Variants in BMP10 observed in about 807,000 individuals in gnomAD.
The protein encoded by BMP10 is bone morphogenetic protein 10.
Under a neutral mutation model 29.9 loss-of-function variants are expected in BMP10, and 9 were observed. The observed-to-expected ratio is 0.30, with a 90% CI of 0.18 to 0.53. The LOEUF (loss-of-function observed/expected upper bound fraction) is 0.53. BMP10 is among the 20% of genes least tolerant of loss of function. The probability of loss-of-function intolerance (pLI) is 0.96; values close to 1 mark genes in which losing one functional copy is unlikely to be tolerated. For synonymous variants in BMP10, 202 were observed against 200.2 expected (o/e 1.01, Z -0.07); for missense variants, 474 against 524.3 (o/e 0.90, Z 0.94).
In BMP10 at chr2:68,862,466, A is replaced by G. The variant is rs1007586781; in HGVS notation, c.*3165T>C. ...ATATTTTACAAAAATAAATATATCA[A>G]TCAATAAATAGTGGGAAGCCTAGAA... On this transcript the variant is annotated 3_prime_UTR_variant, in exon 2 of 2. Coordinates refer to ENST00000295379, the MANE Select transcript of BMP10 (RefSeq NM_014482.3). Among the ~76,000 whole-genome samples, 1 of 142,218 alleles carries G rather than the reference A, an allele frequency of 7.0e-6. No individual in the cohort carries two copies. Among genetic ancestry groups the G allele is most frequent in the African/African-American group, 3.1e-5 (1 of 31,934 alleles). 93.3% of individuals were successfully genotyped at this position (142,218 alleles called of 152,430 possible).
chr2:68,861,478 G>A lies in BMP10; in HGVS notation c.*4153C>T, dbSNP rs1384129860. ...CACATCTACCTTCCATTTAATGTAG[G>A]AAATCAACTGTTCCTGTTTGGGGGC... is the stretch of plus-strand genomic sequence containing the variant. On this transcript the variant is annotated 3_prime_UTR_variant, in exon 2 of 2. Transcript: ENST00000295379. 3.9e-5 allele frequency among the ~76,000 whole-genome samples: 6 copies of A among 152,180 alleles called. No homozygotes were observed. The highest frequency in any genetic ancestry group is 7.3e-5 in the Non-Finnish European group (5 of 68,030).
At chr2:68,868,102 C>A (rs1682999611) in intron 1 of BMP10, among the ~76,000 whole-genome samples, 1 of 152,218 alleles carries the variant, frequency 6.6e-6, no homozygotes, top group Non-Finnish European at 1.5e-5. Flanking sequence ...TCAGCCATAG[C>A]TTACATACGT....
Position 68,866,398 on chromosome 2 carries a change from C to G in BMP10, c.508G>C (p.Val170Leu). ...GVDRKITIFE[V>L]LESKGDNEGE... ...TCATTATCCCCTTTGCTCTCCAGCA[C>G]TTCAAAAATGGTAATTTTCCGGTCT... The change falls in exon 2 of 2, where the codon GTG becomes CTG. Residue 170 changes from valine to leucine, a missense_variant. Val to Leu is a conservative substitution (Grantham distance 32). Around this residue, in one of 2 missense-constraint regions of BMP10, gnomAD observed 408 missense variants for 415.3 expected, o/e 0.98. Transcript: ENST00000295379. 1 of 1,613,936 alleles carries G rather than the reference C, an allele frequency of 6.2e-7. No homozygotes were observed. Among genetic ancestry groups the G allele is most frequent in the Non-Finnish European group, 8.5e-7 (1 of 1,179,954 alleles).
At chr2:68,869,610 C>T (rs575590762) in intron 1 of BMP10, among the ~76,000 whole-genome samples, 9 of 152,222 alleles carry the variant, frequency 5.9e-5, no homozygotes, top group African/African-American at 2.2e-4. Flanking sequence ...TCACCCACAC[C>T]CTGAGCCAGA....
Position 68,861,633 on chromosome 2 carries a change from T to C in BMP10, c.*3998A>G, listed in dbSNP as rs1404031029. Among the ~76,000 whole-genome samples the C allele has an allele frequency of 6.6e-6, 1 of 152,232 alleles. No homozygotes were observed. Among genetic ancestry groups the C allele is most frequent in the Non-Finnish European group, 1.5e-5 (1 of 68,038 alleles). ...CAACCTTAAAAAGGGCAACATCCCT[T>C]CTGTGTTCTAGGCAAGTTAAAAAGG... On this transcript the variant is annotated 3_prime_UTR_variant, in exon 2 of 2. Transcript: ENST00000295379.
Position 68,866,156 on chromosome 2 carries a change from G to C in BMP10, c.750C>G (p.Asn250Lys), listed in dbSNP as rs2231345. Residue 250 changes from asparagine to lysine, a missense_variant, in exon 2 of 2, where the codon AAC (asparagine) becomes AAG (lysine). Asn to Lys is a moderately conservative substitution (Grantham distance 94). Coordinates refer to ENST00000295379, the MANE Select transcript of BMP10 (RefSeq NM_014482.3). ...CATCAGAAAACACGATGAGCAAAGG[G>C]TTATGCTTATTCTGGGCACTGGTAT... Reference protein sequence around the residue: ...EIDTSAQNKHNPLLIVFSDDQ... With the variant: ...EIDTSAQNKHKPLLIVFSDDQ... 1.9e-6 allele frequency: 3 copies of C among 1,613,892 alleles called. No homozygotes were observed. Among genetic ancestry groups the C allele is most frequent in the Non-Finnish European group, 2.5e-6 (3 of 1,179,970 alleles).
At chr2:68,867,430 C>A (rs1156978561) in intron 1 of BMP10, among the ~76,000 whole-genome samples, 1 of 152,192 alleles carries the variant, frequency 6.6e-6, no homozygotes, top group Admixed American at 6.5e-5. Context: ...AATCCTGGGA[C>A]TAGATTGGTT....
Position 68,863,834 on chromosome 2 carries a change from A to G in BMP10, c.*1797T>C, listed in dbSNP as rs7574938. The stretch of plus-strand genomic sequence containing the variant: ...GGACTGATTGTTTTCCAGGGTAAAA[A>G]AAAGAAAAAAGTGTCAGACTTCTTA... On this transcript the variant is annotated 3_prime_UTR_variant, in exon 2 of 2. Coordinates refer to ENST00000295379, the MANE Select transcript of BMP10 (RefSeq NM_014482.3). Among the ~76,000 whole-genome samples, 4,168 of 152,272 alleles carry G rather than the reference A, an allele frequency of 0.027. 185 individuals carry two copies. Among genetic ancestry groups the G allele is most frequent in the African/African-American group, 0.095 (3,935 of 41,528 alleles).
chr2:68,866,200 T>C lies in BMP10; in HGVS notation c.706A>G (p.Ser236Gly). 6.2e-7 allele frequency: 1 copy of C among 1,614,128 alleles called. No individual in the cohort carries two copies. ...CTGGTATCTATTTCTAGCCGTCCACTGCTGGCATCCTCAGCTTCATCGTGT... is the reference window on the plus strand; with the variant it reads ...CTGGTATCTATTTCTAGCCGTCCACCGCTGGCATCCTCAGCTTCATCGTGT... ...SKHDEAEDAS[S>G]GRLEIDTSAQ... The change falls in exon 2 of 2, where the codon AGT becomes GGT. Residue 236 changes from serine (S) to glycine (G), a missense_variant. By Grantham distance (56) the Ser-to-Gly change is moderately conservative. This residue lies in a region of BMP10 where 408 missense variants were observed against 415.3 expected (regional missense o/e 0.98). Coordinates refer to ENST00000295379, the MANE Select transcript of BMP10 (RefSeq NM_014482.3).
In BMP10 at chr2:68,865,480, G is replaced by A. The variant is rs1682933264; in HGVS notation, c.*151C>T. 1 of 786,256 alleles carries A rather than the reference G, an allele frequency of 1.3e-6. No homozygotes were observed. Among genetic ancestry groups the A allele is most frequent in the African/African-American group, 1.7e-5 (1 of 57,322 alleles). The allele number at this position is 786,256 out of a possible 1,614,324, so 48.7% of individuals were successfully genotyped here. A position where few individuals can be genotyped will look rare whatever the true frequency, so the allele number is the denominator to read the frequency against. ...GATTGAAAGGGACTTAACTGGAGAG[G>A]AAAATATGCATTTCCTACAACAAAC... On this transcript the variant is annotated 3_prime_UTR_variant, in exon 2 of 2. Coordinates refer to ENST00000295379, the MANE Select transcript of BMP10 (RefSeq NM_014482.3). The surrounding 1 kb of genome is among the most constrained non-coding windows in gnomAD (Gnocchi z 4.7).
At chr2:68,870,179 T>C (rs1032570797) in intron 1 of BMP10, among the ~76,000 whole-genome samples, 1 of 152,236 alleles carries the variant, frequency 6.6e-6, no homozygotes, top group Non-Finnish European at 1.5e-5. Flanking sequence ...TTAGTTCCTT[T>C]GGACCTTCAG....
chr2:68,866,469 C>T lies in BMP10; in HGVS notation c.437G>A (p.Arg146Lys). The T allele has an allele frequency of 1.9e-6, 3 of 1,613,978 alleles. No homozygotes were observed. Among genetic ancestry groups the T allele is most frequent in the Non-Finnish European group, 2.5e-6 (3 of 1,179,942 alleles). The change falls in exon 2 of 2, where the codon AGG (arginine) becomes AAG (lysine). Residue 146 changes from arginine to lysine, a missense_variant. Transcript: ENST00000295379. The stretch of plus-strand genomic sequence containing the variant: ...ATCCCTTTGCACCAGTGTGTATAGC[C>T]TAAGTTCAGCCATGATGACCTCTTC... ...HHEEVIMAELRLYTLVQRDRM... is the reference protein window; with the variant it reads ...HHEEVIMAELKLYTLVQRDRM...
intron 1 of BMP10, among the ~76,000 whole-genome samples, chr2:68,868,063 C>G (rs1257955046): frequency 6.6e-6 from 1 of 152,192 alleles, no homozygotes; most frequent in African/African-American, 2.4e-5. Flanking sequence ...GCTCTCAAGA[C>G]CAGCTATATC....
At chr2:68,868,462 C>A (rs927208760) in intron 1 of BMP10, among the ~76,000 whole-genome samples, 1 of 152,328 alleles carries the variant, frequency 6.6e-6, no homozygotes, top group South Asian at 2.1e-4. Flanking sequence ...ATTTTCCCAA[C>A]TAGATTGCCA....
Position 68,871,289 on chromosome 2 carries a change from T to C in BMP10, c.70A>G (p.Ile24Val). Residue 24 changes from isoleucine to valine, a missense_variant, in exon 1 of 2, where the codon ATC (isoleucine) becomes GTC (valine). Physicochemically the swap from Ile to Val is conservative, Grantham distance 29. Coordinates refer to ENST00000295379, the MANE Select transcript of BMP10 (RefSeq NM_014482.3). ...AGAGGAGACTGCTCTAGGTTCATGA[T>C]GGGGCTGCCAGAAACCAAGTAAGCT... ...LAAYLVSGSP[I>V]MNLEQSPLEE... is the part of the protein sequence containing the mutation. 1 of 1,614,106 alleles carries C rather than the reference T, an allele frequency of 6.2e-7. No homozygotes were observed. The highest frequency in any genetic ancestry group is 8.5e-7 in the Non-Finnish European group (1 of 1,179,982).
At position 68,868,261 on chromosome 2, in the gene BMP10, G is replaced by C. The variant is rs1322175485; in HGVS notation, c.335-1690C>G. ...CCCTGCAATTTTCACCTTTTCACAT[G>C]TTCTTCTGACCCTTGGAAAGCCCTT... On this transcript the variant is annotated intron_variant, in intron 1 of 1. Coordinates refer to ENST00000295379, the MANE Select transcript of BMP10 (RefSeq NM_014482.3). Among the ~76,000 whole-genome samples, 25 of 151,924 alleles carry C rather than the reference G, an allele frequency of 1.6e-4. 1 individual carries two copies. The highest frequency in any genetic ancestry group is 1.6e-3 in the Admixed American group (25 of 15,254).
In BMP10 at chr2:68,863,829, T is replaced by TA. The variant is rs983659433; in HGVS notation, c.*1801dup. Among the ~76,000 whole-genome samples the TA allele has an allele frequency of 4.0e-5, 6 of 151,392 alleles. No individual in the cohort carries two copies. The highest frequency in any genetic ancestry group is 7.4e-5 in the Non-Finnish European group (5 of 67,834). ...AAAGGGGACTGATTGTTTTCCAGGG[T>TA]AAAAAAAAGAAAAAAGTGTCAGACT... On this transcript the variant is annotated 3_prime_UTR_variant, in exon 2 of 2. Coordinates refer to ENST00000295379, the MANE Select transcript of BMP10 (RefSeq NM_014482.3).
At chr2:68,867,715 G>A (rs1682992111) in intron 1 of BMP10, among the ~76,000 whole-genome samples, 1 of 151,890 alleles carries the variant, frequency 6.6e-6, no homozygotes, top group Non-Finnish European at 1.5e-5. Flanking sequence ...CACCAACTGG[G>A]GGTTCTCTGT....
chr2:68,871,220 C>T lies in BMP10; in HGVS notation c.139G>A (p.Asp47Asn), dbSNP rs754341746. The T allele has an allele frequency of 2.2e-5, 35 of 1,614,170 alleles. 1 individual carries two copies. In the South Asian group the frequency reaches 3.8e-4, roughly 18 times the overall value. ...AGCAGTGTGTTAAAGTCGACACCGT[C>T]TTGCTCTGAGAAAACATCACCAAAG... ...SLFGDVFSEQ[D>N]GVDFNTLLQS... is the part of the protein sequence containing the mutation. The change falls in exon 1 of 2, where the codon GAC becomes AAC. Residue 47 changes from aspartate (D) to asparagine (N), a missense_variant. This residue lies in a region of BMP10 where 408 missense variants were observed against 415.3 expected (regional missense o/e 0.98). Transcript: ENST00000295379.
Sources: gnomAD v4.1 joint callset for allele counts (sites outside exome capture counted in the v4.1 genomes callset) on GRCh38, gnomAD v4.1.1 for gene constraint, gnomAD v4.1.1 regional missense constraint, Gnocchi (gnomAD v3.1) non-coding constraint, MANE v1.5 for transcripts, NCBI Gene and HGNC (gene_info 2026-07-23, HGNC 2026-07-21) for gene names.